BTBD9: variants seen among roughly 807,000 people sequenced by gnomAD.
BTBD9 encodes the protein BTB domain containing 9.
Under a neutral mutation model 64.3 loss-of-function variants are expected in BTBD9, and 49 were observed. That is an observed-to-expected ratio of 0.76 (90% CI 0.61 to 0.97). The LOEUF is 0.97. Ranked by LOEUF, BTBD9 falls within the 50% of genes least tolerant of loss-of-function variation. The probability of loss-of-function intolerance (pLI) is 0.00; values close to 1 mark genes in which losing one functional copy is unlikely to be tolerated. For missense variants in BTBD9, 598 were observed against 762.1 expected (o/e 0.78, Z 2.53); for synonymous variants, 260 against 274.7 (o/e 0.95, Z 0.53).
intron 8 of BTBD9, among the ~76,000 whole-genome samples, chr6:38,277,243 T>A (rs1257882717): frequency 2.0e-5 from 3 of 152,116 alleles, no homozygotes; most frequent in East Asian, 3.9e-4. Flanking sequence ...GAAGTAAGTG[T>A]CATGAATATG....
intron 6 of BTBD9, among the ~76,000 whole-genome samples, chr6:38,521,034 A>C (rs1026050419): frequency 2.6e-5 from 4 of 152,116 alleles, no homozygotes; most frequent in African/African-American, 9.7e-5. Context: ...TATGTGTCTT[A>C]AATCTGCCAT....
intron 8 of BTBD9, 151 bp from the exon 9 acceptor site, chr6:38,256,667 C>G: frequency 1.7e-6 from 1 of 584,118 alleles, no homozygotes; most frequent in East Asian, 2.9e-5. Context: ...ATGAAGAGAA[C>G]AGGCAGAGTC....
intron 6 of BTBD9, among the ~76,000 whole-genome samples, chr6:38,555,945 T>C (rs1372564329): frequency 6.6e-6 from 1 of 152,212 alleles, no homozygotes; most frequent in Non-Finnish European, 1.5e-5. Context: ...ACTAATGGGA[T>C]GGGCAGGAAT....
intron 6 of BTBD9, among the ~76,000 whole-genome samples, chr6:38,465,706 A>ATT (rs1372437843): frequency 3.3e-5 from 2 of 60,400 alleles, no homozygotes; most frequent in Non-Finnish European, 6.4e-5. Context: ...AAATAAATAA[A>ATT]TTATATATAT....
chr6:38,426,412 C>T (rs1335653075), intron 6 of BTBD9, among the ~76,000 whole-genome samples: 1 of 151,962 alleles, frequency 6.6e-6, no homozygotes, highest in Non-Finnish European at 1.5e-5. Flanking sequence ...CCTTTGGGTC[C>T]CCTCCCCTTG....
rs142516306 is a variant in BTBD9, at chr6:38,401,217, C to T, written c.1155-56124G>A. Among the ~76,000 whole-genome samples the T allele has an allele frequency of 3.2e-3, 481 of 152,258 alleles. 6 individuals carry two copies. The highest frequency in any genetic ancestry group is 0.022 in the Admixed American group (341 of 15,296). On this transcript the variant is annotated intron_variant, in intron 6 of 10. Transcript: ENST00000481247. ...TCTCATGATAGTGAGGGAGTTCTCA[C>T]GAGAGATGATGGTTTAAGTGTGGCA...
rs183035389 is a variant in BTBD9, at chr6:38,311,869, T to G, written c.1265-23408A>C. Among the ~76,000 whole-genome samples the G allele has an allele frequency of 5.5e-3, 840 of 152,208 alleles. 3 individuals carry two copies. Among genetic ancestry groups the G allele is most frequent in the South Asian group, 0.011 (54 of 4,812 alleles). On this transcript the variant is annotated intron_variant, in intron 7 of 10. Coordinates refer to ENST00000481247, the MANE Select transcript of BTBD9 (RefSeq NM_001099272.2). ...ACCTGAGCACCTTTTCTTTTTTATTTTTATTTTTTTGAGACTGAGTCTTAC... is the reference window on the plus strand; with the variant it reads ...ACCTGAGCACCTTTTCTTTTTTATTGTTATTTTTTTGAGACTGAGTCTTAC...
chr6:38,586,843 A>G (rs1195811158), intron 4 of BTBD9, among the ~76,000 whole-genome samples: 1 of 152,076 alleles, frequency 6.6e-6, no homozygotes, highest in Non-Finnish European at 1.5e-5. Context: ...CAGGTGGATC[A>G]CCTGAGGTCA....
At position 38,530,487 on chromosome 6, in the gene BTBD9, T is replaced by C. The variant is rs1048912913; in HGVS notation, c.1154+47113A>G. Among the ~76,000 whole-genome samples the C allele has an allele frequency of 1.3e-4, 19 of 151,870 alleles. 1 individual carries two copies. The highest frequency in any genetic ancestry group is 2.4e-4 in the Non-Finnish European group (16 of 67,904). On this transcript the variant is annotated intron_variant, in intron 6 of 10. Transcript: ENST00000481247. ...TGGGCATCACGGTCCTACTGATATG[T>C]GCTGTCACTTCTGGTGGCCCAACTG...
chr6:38,518,457 A>T (rs948507370), intron 6 of BTBD9, among the ~76,000 whole-genome samples: 20 of 152,336 alleles, frequency 1.3e-4, no homozygotes, highest in Admixed American at 1.2e-3. Context: ...ATTCTGGGAA[A>T]GGTTTCTTAG....
At chr6:38,199,288 C>T (rs767284102) in intron 9 of BTBD9, among the ~76,000 whole-genome samples, 1 of 152,114 alleles carries the variant, frequency 6.6e-6, no homozygotes. Context: ...TTCAGGCCCC[C>T]GTGATACAGT....
intron 9 of BTBD9, among the ~76,000 whole-genome samples, chr6:38,192,993 C>T (rs1016309484): frequency 5.9e-5 from 9 of 151,656 alleles, no homozygotes; most frequent in Admixed American, 1.3e-4. Context: ...CAGCATGGCA[C>T]ATGTATGCAT....
At chr6:38,181,509 C>G (rs1761553556) in intron 10 of BTBD9, among the ~76,000 whole-genome samples, 1 of 152,188 alleles carries the variant, frequency 6.6e-6, no homozygotes, top group Non-Finnish European at 1.5e-5. Flanking sequence ...CATAACAGAT[C>G]CTGACGATGG....
At chr6:38,368,961 C>A (rs1166872769) in intron 6 of BTBD9, among the ~76,000 whole-genome samples, 3 of 152,148 alleles carry the variant, frequency 2.0e-5, no homozygotes, top group Non-Finnish European at 4.4e-5. Flanking sequence ...TTCAATTGTC[C>A]AATTCTGAAT....
intron 8 of BTBD9, among the ~76,000 whole-genome samples, chr6:38,281,229 T>G (rs925263683): frequency 6.6e-6 from 1 of 152,236 alleles, no homozygotes; most frequent in African/African-American, 2.4e-5. Context: ...TGAGCAACAG[T>G]TAGGCAGGGT....
At position 38,565,653 on chromosome 6, in the gene BTBD9, TA is replaced by T. The variant is rs528459529; in HGVS notation, c.1154+11946del. Among the ~76,000 whole-genome samples, 64 of 152,274 alleles carry T rather than the reference TA, an allele frequency of 4.2e-4. 1 individual carries two copies. Among genetic ancestry groups the T allele is most frequent in the Non-Finnish European group, 4.1e-4 (28 of 68,004 alleles). On this transcript the variant is annotated intron_variant, in intron 6 of 10. Coordinates refer to ENST00000481247, the MANE Select transcript of BTBD9 (RefSeq NM_001099272.2). ...TGTCAGTTCAAACAAAGATTCAAAA[TA>T]ATGATAATGCCCATTGTTGATAACA... is the stretch of plus-strand genomic sequence containing the variant.
intron 8 of BTBD9, among the ~76,000 whole-genome samples, chr6:38,279,262 G>C (rs1026684159): frequency 6.6e-6 from 1 of 152,060 alleles, no homozygotes; most frequent in Non-Finnish European, 1.5e-5. Flanking sequence ...ACCAATGTAA[G>C]GGGCTAAGCT....
chr6:38,327,627 C>T (rs900240767), intron 7 of BTBD9, among the ~76,000 whole-genome samples: 3 of 152,148 alleles, frequency 2.0e-5, no homozygotes, highest in African/African-American at 7.2e-5. Context: ...AATGTGAGTC[C>T]TGATATATGT....
chr6:38,458,082 C>G (rs1442346033), intron 6 of BTBD9, among the ~76,000 whole-genome samples: 2 of 152,086 alleles, frequency 1.3e-5, no homozygotes, highest in African/African-American at 4.8e-5. Context: ...CCATGATGGG[C>G]AACTAGTCTC....
Sources: allele counts gnomAD v4.1 joint callset (sites outside exome capture counted in the v4.1 genomes callset), GRCh38; gene constraint gnomAD v4.1.1; transcripts MANE v1.5; gene names NCBI Gene and HGNC (gene_info 2026-07-23, HGNC 2026-07-21).